The following TYW3 variants were observed in gnomAD, a reference collection of about 807,000 sequenced individuals.
TYW3 encodes the protein tRNA wybutosine-synthesizing protein 3 homolog.
In TYW3, 26 loss-of-function variants were observed where a neutral mutation model predicts 23.1. The ratio of observed to expected loss-of-function variants is 1.13; its 90% CI spans 0.83 to 1.56. TYW3 has a LOEUF of 1.56. Among genes scored for constraint, TYW3 ranks in the 40% most tolerant of loss-of-function variants. The pLI is 0.00. For synonymous variants in TYW3, 102 were observed against 105.7 expected, an observed-to-expected ratio of 0.97 and a Z score of 0.21; for missense variants, 316 against 311.9, an observed-to-expected ratio of 1.01 and a Z score of -0.10.
chr1:74,757,350 C>G (rs544695319), intron 5 of TYW3, among the ~76,000 whole-genome samples: 1 of 152,310 alleles, frequency 6.6e-6, no homozygotes, highest in South Asian at 2.1e-4. Context: ...TCCTGCAAAG[C>G]CACAGAGGCA....
intron 3 of TYW3, among the ~76,000 whole-genome samples, chr1:74,744,592 T>A (rs933781507): frequency 2.8e-4 from 42 of 152,172 alleles, no homozygotes; most frequent in African/African-American, 9.9e-4. Context: ...CAATAGGCGA[T>A]TGTCCCATCT....
intron 5 of TYW3, among the ~76,000 whole-genome samples, chr1:74,757,564 G>T (rs2100775301): frequency 6.6e-6 from 1 of 152,306 alleles, no homozygotes; most frequent in Middle Eastern, 3.4e-3. Context: ...CACCACCATT[G>T]TATCTAGGAA....
chr1:74,751,081 G>C (rs1648769070), intron 4 of TYW3: 2 of 151,940 alleles, frequency 1.3e-5, no homozygotes, highest in African/African-American at 4.8e-5. Context: ...CAAAGTGTTG[G>C]GATTACAGGC....
chr1:74,738,675 T>C lies in TYW3; in HGVS notation c.256-15T>C, dbSNP rs1353414657. 3.2e-6 allele frequency: 5 copies of C among 1,584,830 alleles called. No homozygotes were observed. In the South Asian group the frequency reaches 3.4e-5, roughly 11 times the overall value. On this transcript the variant is annotated splice_polypyrimidine_tract_variant and intron_variant, in intron 2 of 5. Coordinates refer to ENST00000370867, the MANE Select transcript of TYW3 (RefSeq NM_138467.3). The stretch of plus-strand genomic sequence containing the variant: ...GCCATATACTTGCATCTGATACCAC[T>C]GTTCATTTATTTAGATTGTAGCTCT...
intron 5 of TYW3, among the ~76,000 whole-genome samples, chr1:74,754,118 T>C (rs1441186669): frequency 6.6e-6 from 1 of 152,224 alleles, no homozygotes; most frequent in Admixed American, 6.5e-5. Context: ...TTACCACTTA[T>C]TAAATTGTAA....
rs547711254 is a variant in TYW3 at position 74,753,010 on chromosome 1, A to C, written c.560+585A>C. On this transcript the variant is annotated intron_variant, in intron 5 of 5. Coordinates refer to ENST00000370867, the MANE Select transcript of TYW3 (RefSeq NM_138467.3). Reference sequence around the variant, plus strand: ...TGTTCTTCATCGTTACCTCCTGGCAAAGGAAACTTCTATATTATTTTCTTT... The same window carrying C: ...TGTTCTTCATCGTTACCTCCTGGCACAGGAAACTTCTATATTATTTTCTTT... Among the ~76,000 whole-genome samples the C allele has an allele frequency of 7.9e-5, 12 of 152,324 alleles. No homozygotes were observed. The South Asian group carries it at 2.5e-3, about 32-fold the overall frequency.
intron 3 of TYW3, among the ~76,000 whole-genome samples, chr1:74,745,486 G>A (rs142808213): frequency 0.014 from 2,150 of 152,252 alleles, 24 homozygotes; most frequent in East Asian, 0.055. Context: ...TTTTTACAGA[G>A]TGCTGATTGG....
At chr1:74,759,362 T>C (rs1649058469) in intron 5 of TYW3, among the ~76,000 whole-genome samples, 1 of 150,944 alleles carries the variant, frequency 6.6e-6, no homozygotes, top group African/African-American at 2.4e-5. Context: ...TTTTCTTTCT[T>C]TCTTTTCTTT....
At chr1:74,740,290 C>A (rs138967176) in intron 3 of TYW3, among the ~76,000 whole-genome samples, 1,570 of 152,300 alleles carry the variant, frequency 0.01, 17 homozygotes, top group Non-Finnish European at 0.016. Flanking sequence ...TTTGTTCCTC[C>A]CAGTGGGTTC....
Position 74,765,446 on chromosome 1 carries a change from A to G in TYW3, c.*1333A>G, listed in dbSNP as rs898467631. 9 of 152,132 alleles carry G rather than the reference A, an allele frequency of 5.9e-5. No homozygotes were observed. The highest frequency in any genetic ancestry group is 1.3e-4 in the Non-Finnish European group (9 of 68,002). 9.4% of individuals were successfully genotyped at this position (152,132 alleles called of 1,614,324 possible). On this transcript the variant is annotated 3_prime_UTR_variant, in exon 6 of 6. Coordinates refer to ENST00000370867, the MANE Select transcript of TYW3 (RefSeq NM_138467.3). ...GAACATTCCCCTAGATGACAATGTCAGTGGCACTCGAAGTTGTGCAGTGCA... is the reference window on the plus strand; with the variant it reads ...GAACATTCCCCTAGATGACAATGTCGGTGGCACTCGAAGTTGTGCAGTGCA...
intron 5 of TYW3, among the ~76,000 whole-genome samples, chr1:74,754,682 A>C (rs1463832310): frequency 6.6e-6 from 1 of 152,176 alleles, no homozygotes; most frequent in Admixed American, 6.5e-5. Context: ...TATAAATGTG[A>C]AAATTAAAGA....
At position 74,752,343 on chromosome 1, in the gene TYW3, CT is replaced by C; in HGVS notation, c.479del (p.Leu160ArgfsTer3). 1 of 1,613,416 alleles carries C rather than the reference CT, an allele frequency of 6.2e-7. No homozygotes were observed. The highest frequency in any genetic ancestry group is 8.5e-7 in the Non-Finnish European group (1 of 1,179,670). On this transcript the variant is annotated frameshift_variant, in exon 5 of 6. Transcript: ENST00000370867. LOFTEE classifies it high-confidence loss of function. ...AGTTCCATTAAGCCATAAGGGAAAA[CT>C]GATGGTGACAGAGGAATATATTGAC... ...LEVPLSHKGK[L>X]MVTEEYIDFL...
intron 5 of TYW3, among the ~76,000 whole-genome samples, chr1:74,760,154 G>A (rs1009133453): frequency 1.3e-5 from 2 of 152,148 alleles, no homozygotes; most frequent in African/African-American, 4.8e-5. Flanking sequence ...AAGTGGAAAT[G>A]GATCATCACA....
intron 5 of TYW3, among the ~76,000 whole-genome samples, chr1:74,756,201 A>C (rs922756324): frequency 6.6e-6 from 1 of 152,202 alleles, no homozygotes; most frequent in African/African-American, 2.4e-5. Context: ...TGGTACCACT[A>C]TAGTGGGGCA....
chr1:74,756,561 G>A (rs1168298086), intron 5 of TYW3, among the ~76,000 whole-genome samples: 1 of 152,188 alleles, frequency 6.6e-6, no homozygotes, highest in Non-Finnish European at 1.5e-5. Context: ...TTTCTAAGCA[G>A]CAAAGCATTC....
rs1412062168 is a variant in TYW3, at chr1:74,736,602, CTT to C, written c.237_238del (p.Val81LysfsTer3). ...NCCWLLVTHK[L>X]CVKDDVIVAL... ...TTGCTGGCTACTGGTTACACACAAA[CTT>C]TGTGTAAAAGATGATGTGGTAAGTT... On this transcript the variant is annotated frameshift_variant, in exon 2 of 6. Coordinates refer to ENST00000370867, the MANE Select transcript of TYW3 (RefSeq NM_138467.3). LOFTEE classifies it high-confidence loss of function. 2.4e-5 allele frequency: 39 copies of C among 1,602,030 alleles called. No homozygotes were observed. Among genetic ancestry groups the C allele is most frequent in the African/African-American group, 4.0e-5 (3 of 74,686 alleles).
chr1:74,743,265 TTGTC>T (rs1414886231), intron 3 of TYW3, among the ~76,000 whole-genome samples: 10 of 152,188 alleles, frequency 6.6e-5, no homozygotes, highest in Middle Eastern at 3.2e-3. Flanking sequence ...CAAGGTTTGT[TTGTC>T]TGATGGCCAT....
chr1:74,750,689 A>G (rs956690935), intron 4 of TYW3, among the ~76,000 whole-genome samples: 15 of 151,994 alleles, frequency 9.9e-5, no homozygotes, highest in African/African-American at 3.6e-4. Context: ...CTCCAGCTAT[A>G]TAGAACTATT....
At chr1:74,733,553 G>C in intron 1 of TYW3, 135 bp downstream of exon 1, 1 of 1,438,690 alleles carries the variant, frequency 7.0e-7, no homozygotes, top group Non-Finnish European at 9.1e-7. Flanking sequence ...TTCTTTATAT[G>C]TGAAATTTAG....
Sources: gnomAD v4.1 joint callset for allele counts (sites outside exome capture counted in the v4.1 genomes callset) on GRCh38, gnomAD v4.1.1 for gene constraint, MANE v1.5 for transcripts, NCBI Gene and HGNC (gene_info 2026-07-23, HGNC 2026-07-21) for gene names.